The following FAM184A variants were observed in gnomAD, a reference collection of about 807,000 sequenced individuals.
FAM184A encodes family with sequence similarity 184 member A.
FAM184A carries 99 observed loss-of-function variants against 143.8 expected under a neutral mutation model. The ratio of observed to expected loss-of-function variants is 0.69; its 90% CI spans 0.58 to 0.81. The LOEUF (loss-of-function observed/expected upper bound fraction) is 0.81, where lower values mean the gene tolerates loss of function less well. Ranked by LOEUF, FAM184A falls within the 40% of genes least tolerant of loss-of-function variation. FAM184A has a pLI of 0.00. For missense variants in FAM184A, 1,217 were observed against 1,310.5 expected (o/e 0.93, Z 1.10); for synonymous variants, 427 against 446.4 (o/e 0.96, Z 0.55).
intron 1 of FAM184A, among the ~76,000 whole-genome samples, chr6:119,123,343 C>T (rs927410212): frequency 2.6e-5 from 4 of 151,968 alleles, no homozygotes; most frequent in African/African-American, 7.3e-5. Flanking sequence ...GAGCCGAGAT[C>T]ATGCCACTGC....
intron 1 of FAM184A, among the ~76,000 whole-genome samples, chr6:119,106,168 G>A (rs6569040): frequency 0.54 from 82,298 of 151,876 alleles, 22,775 homozygotes; most frequent in East Asian, 0.73. Flanking sequence ...CGAGGCGGGC[G>A]GATCACAAGG....
At chr6:119,017,485 G>A (rs1479108721) in intron 4 of FAM184A, among the ~76,000 whole-genome samples, 13 of 149,082 alleles carry the variant, frequency 8.7e-5, no homozygotes, top group African/African-American at 2.7e-4. Context: ...GCGACAGAGC[G>A]AGACTCCATC....
chr6:118,965,663 TCACAGTC>T (rs1409491939), intron 15 of FAM184A, among the ~76,000 whole-genome samples: 1 of 152,186 alleles, frequency 6.6e-6, no homozygotes, highest in Non-Finnish European at 1.5e-5. Context: ...CCTATGTGCC[TCACAGTC>T]CACGGAATCA....
In FAM184A at chr6:119,022,988, T is replaced by C. The variant is rs1011688592; in HGVS notation, c.1107A>G (p.Arg369=). 2 of 1,614,226 alleles carry C rather than the reference T, an allele frequency of 1.2e-6. No individual in the cohort carries two copies. The highest frequency in any genetic ancestry group is 8.5e-7 in the Non-Finnish European group (1 of 1,180,044). Residue 369 remains arginine, a synonymous_variant, in exon 3 of 18, where the codon AGA becomes AGG. Coordinates refer to ENST00000338891, the MANE Select transcript of FAM184A (RefSeq NM_024581.6). ...KEVESELAAA[R]ERLQQQASDL... is the part of the protein sequence containing the mutation. ...CTGAAGCTTGCTGTTGTAAACGTTC[T>C]CTGGCAGCTGCTAGCTCACTTTCCA...
intron 1 of FAM184A, among the ~76,000 whole-genome samples, chr6:119,054,789 C>G (rs1339899070): frequency 1.3e-5 from 2 of 152,106 alleles, no homozygotes; most frequent in African/African-American, 4.8e-5. Context: ...GAGAAATTCA[C>G]ATAGACTTCT....
chr6:119,069,482 G>A (rs543132373), intron 1 of FAM184A, among the ~76,000 whole-genome samples: 16 of 152,200 alleles, frequency 1.1e-4, no homozygotes, highest in South Asian at 4.2e-4. Context: ...ACACACATTC[G>A]CCAGAATAAA....
At position 119,003,496 on chromosome 6, in the gene FAM184A, T is replaced by C; in HGVS notation, c.1937+5A>G. ...ATTGATAAGATTACAGAATAAAAAA[T>C]GTACCTAAGATTTTCAGTCCACTTA... On this transcript the variant is annotated splice_donor_5th_base_variant and intron_variant, in intron 8 of 17. Transcript: ENST00000338891. 2.5e-6 allele frequency: 4 copies of C among 1,609,780 alleles called. No homozygotes were observed. The highest frequency in any genetic ancestry group is 3.4e-6 in the Non-Finnish European group (4 of 1,178,294).
intron 9 of FAM184A, among the ~76,000 whole-genome samples, 176 bp downstream of exon 9, chr6:119,002,723 C>G (rs920165059): frequency 1.3e-5 from 2 of 152,002 alleles, no homozygotes; most frequent in African/African-American, 4.8e-5. Flanking sequence ...AATGATTTAG[C>G]AAAATGTTTT....
At chr6:119,066,424 C>T (rs2114778140) in intron 1 of FAM184A, among the ~76,000 whole-genome samples, 1 of 152,290 alleles carries the variant, frequency 6.6e-6, no homozygotes, top group South Asian at 2.1e-4. Context: ...CTCAAGATCC[C>T]TAACCTAACC....
intron 9 of FAM184A, among the ~76,000 whole-genome samples, chr6:118,994,850 T>G (rs1784499104): frequency 6.6e-6 from 1 of 152,160 alleles, no homozygotes; most frequent in Non-Finnish European, 1.5e-5. Flanking sequence ...ACCATACTAT[T>G]GTGTAATCAG....
chr6:119,095,307 G>T (rs6569038), intron 1 of FAM184A, among the ~76,000 whole-genome samples: 83,692 of 151,970 alleles, frequency 0.55, 23,458 homozygotes, highest in East Asian at 0.72. Flanking sequence ...TTTATAAAAC[G>T]TGCTGAAGTC....
At chr6:119,112,405 G>T (rs2114849744) in intron 1 of FAM184A, among the ~76,000 whole-genome samples, 1 of 152,316 alleles carries the variant, frequency 6.6e-6, no homozygotes, top group Middle Eastern at 3.4e-3. Flanking sequence ...TGGGATTACA[G>T]GCGAGAGCCA....
chr6:119,140,743 C>T (rs146756604), intron 1 of FAM184A, among the ~76,000 whole-genome samples: 23 of 152,272 alleles, frequency 1.5e-4, no homozygotes, highest in Non-Finnish European at 2.8e-4. Flanking sequence ...AGCAGGAAAA[C>T]CGGTGAAAGG....
intron 1 of FAM184A, among the ~76,000 whole-genome samples, chr6:119,128,858 A>G (rs1789448526): frequency 6.7e-6 from 1 of 148,816 alleles, no homozygotes; most frequent in Admixed American, 6.7e-5. Flanking sequence ...TGGAATTTGC[A>G]TTCTGTAGAG....
intron 1 of FAM184A, among the ~76,000 whole-genome samples, chr6:119,124,372 T>A (rs930457971): frequency 6.6e-6 from 1 of 152,194 alleles, no homozygotes; most frequent in Admixed American, 6.5e-5. Flanking sequence ...TTTATGTAAA[T>A]TGTAGAGTTA....
chr6:118,997,863 G>C (rs1381616121), intron 9 of FAM184A, among the ~76,000 whole-genome samples: 1 of 152,042 alleles, frequency 6.6e-6, no homozygotes. Context: ...ATTTAAAAGA[G>C]CAAAAAGAAA....
At chr6:119,101,325 G>A (rs1788633649) in intron 1 of FAM184A, among the ~76,000 whole-genome samples, 1 of 151,812 alleles carries the variant, frequency 6.6e-6, no homozygotes, top group African/African-American at 2.4e-5. Context: ...GCCCGCCTCG[G>A]CCTCCCAAAG....
upstream of FAM184A, among the ~76,000 whole-genome samples, chr6:119,081,952 GCTCCT>G (rs1331580687): frequency 6.6e-6 from 1 of 152,184 alleles, no homozygotes; most frequent in South Asian, 2.1e-4. Flanking sequence ...CCACTGATGT[GCTCCT>G]CTTGACATCC....
At chr6:119,038,035 A>C (rs1400760770) in intron 1 of FAM184A, among the ~76,000 whole-genome samples, 3 of 152,140 alleles carry the variant, frequency 2.0e-5, no homozygotes, top group Non-Finnish European at 2.9e-5. Flanking sequence ...ACTAAGAAGA[A>C]ATTTGACTTG....
Sources: gnomAD v4.1 joint callset for allele counts (sites outside exome capture counted in the v4.1 genomes callset) on GRCh38, gnomAD v4.1.1 for gene constraint, MANE v1.5 for transcripts, NCBI Gene and HGNC (gene_info 2026-07-23, HGNC 2026-07-21) for gene names.